Variants in TMEM131 observed in about 807,000 individuals in gnomAD.
TMEM131 encodes 2610524E03Rik.
TMEM131 carries 66 observed loss-of-function variants against 211.6 expected under a neutral mutation model. The observed-to-expected ratio is 0.31, with a 90% CI of 0.26 to 0.38. The LOEUF (loss-of-function observed/expected upper bound fraction) is 0.38, where lower values mean the gene tolerates loss of function less well. TMEM131 is among the 10% of genes least tolerant of loss of function. TMEM131 has a pLI of 1.00. For synonymous variants in TMEM131, 844 were observed against 841.3 expected (o/e 1.00, Z -0.06); for missense variants, 2,036 against 2,299.3 (o/e 0.89, Z 2.34).
chr2:97,883,266 T>A (rs988147740), intron 4 of TMEM131, among the ~76,000 whole-genome samples: 6 of 152,244 alleles, frequency 3.9e-5, no homozygotes. Context: ...TTTGTCTGTT[T>A]CCACTATTTT....
intron 4 of TMEM131, among the ~76,000 whole-genome samples, chr2:97,862,109 G>A (rs927774262): frequency 2.0e-5 from 3 of 152,140 alleles, no homozygotes; most frequent in Admixed American, 2.0e-4. Flanking sequence ...AATGCTTCCT[G>A]ATCTTATCCA....
intron 1 of TMEM131, among the ~76,000 whole-genome samples, chr2:97,964,981 C>G (rs1385618422): frequency 6.6e-6 from 1 of 152,186 alleles, no homozygotes; most frequent in Admixed American, 6.5e-5. Context: ...GAGACACCCA[C>G]TGGGAGCCAT....
At chr2:97,877,575 T>A (rs1025073217) in intron 4 of TMEM131, among the ~76,000 whole-genome samples, 2 of 152,218 alleles carry the variant, frequency 1.3e-5, no homozygotes, top group Middle Eastern at 3.2e-3. Flanking sequence ...ATCTGATGTT[T>A]GACAAACCTG....
chr2:97,973,625 T>C (rs572194570), intron 1 of TMEM131, among the ~76,000 whole-genome samples: 27 of 152,234 alleles, frequency 1.8e-4, no homozygotes, highest in African/African-American at 5.1e-4. Flanking sequence ...ATCAGTGCAT[T>C]TGTGTGAGGT....
chr2:97,913,735 C>T (rs1389774545), intron 2 of TMEM131, among the ~76,000 whole-genome samples: 1 of 152,152 alleles, frequency 6.6e-6, no homozygotes, highest in Admixed American at 6.5e-5. Flanking sequence ...GTTGTGCACA[C>T]GGCATGGATG....
At position 97,762,200 on chromosome 2, in the gene TMEM131, G is replaced by T; in HGVS notation, c.4724C>A (p.Ser1575Tyr). Reference protein sequence around the residue: ...DSVPVHKPGSSTDSLYKLSLQ... With the variant: ...DSVPVHKPGSYTDSLYKLSLQ... ...AGAAAGTTTATAAAGACTATCAGTA[G>T]CTGGAAATTAAAAACAAACGGGCTC... The change falls in exon 36 of 41, where the codon TCT becomes TAT. Residue 1575 changes from serine to tyrosine, a missense_variant and splice_region_variant. Ser to Tyr is a moderately radical substitution (Grantham distance 144). Transcript: ENST00000186436. 6.2e-7 allele frequency: 1 copy of T among 1,613,838 alleles called. No homozygotes were observed. Among genetic ancestry groups the T allele is most frequent in the Non-Finnish European group, 8.5e-7 (1 of 1,179,846 alleles).
At chr2:97,839,998 C>T (rs1253677750) in intron 7 of TMEM131, among the ~76,000 whole-genome samples, 2 of 152,168 alleles carry the variant, frequency 1.3e-5, no homozygotes, top group African/African-American at 2.4e-5. Flanking sequence ...GTATAATCAA[C>T]AAACGATATA....
At chr2:97,904,607 T>C (rs530716969) in intron 3 of TMEM131, among the ~76,000 whole-genome samples, 14 of 152,306 alleles carry the variant, frequency 9.2e-5, no homozygotes, top group African/African-American at 2.6e-4. Flanking sequence ...AATCTGACAA[T>C]TGGTGTTGAA....
intron 4 of TMEM131, among the ~76,000 whole-genome samples, chr2:97,871,948 G>A (rs1198058769): frequency 1.3e-5 from 2 of 150,986 alleles, no homozygotes; most frequent in Admixed American, 6.6e-5. Flanking sequence ...GTCGGGGGGG[G>A]AGTGGAGAAT....
chr2:97,943,083 AAG>A (rs769438079), intron 1 of TMEM131, among the ~76,000 whole-genome samples: 1 of 140,300 alleles, frequency 7.1e-6, no homozygotes, highest in East Asian at 2.1e-4. Context: ...GAAAGAAAGA[AAG>A]AAAGAAAGAA....
At chr2:97,769,693 A>C (rs911116516) in intron 33 of TMEM131, among the ~76,000 whole-genome samples, 11 of 152,264 alleles carry the variant, frequency 7.2e-5, no homozygotes, top group Admixed American at 1.3e-4. Context: ...ATAGAAAAAC[A>C]AAAGGATCAG....
At chr2:97,896,038 T>C (rs1675598026) in intron 3 of TMEM131, among the ~76,000 whole-genome samples, 1 of 152,346 alleles carries the variant, frequency 6.6e-6, no homozygotes, top group South Asian at 2.1e-4. Flanking sequence ...TTGCTTTAAA[T>C]GTGTCCCGGA....
At chr2:97,862,195 A>G (rs1674097062) in intron 4 of TMEM131, among the ~76,000 whole-genome samples, 1 of 152,202 alleles carries the variant, frequency 6.6e-6, no homozygotes, top group Non-Finnish European at 1.5e-5. Context: ...CCTAATGCAG[A>G]TATGGCTTAG....
At chr2:97,918,345 T>A (rs1229550974) in intron 2 of TMEM131, among the ~76,000 whole-genome samples, 2 of 152,144 alleles carry the variant, frequency 1.3e-5, no homozygotes, top group Non-Finnish European at 2.9e-5. Context: ...AAAGACACTC[T>A]TATTATTAAG....
At chr2:97,779,719 A>C (rs963429607) in intron 31 of TMEM131, among the ~76,000 whole-genome samples, 3 of 152,230 alleles carry the variant, frequency 2.0e-5, no homozygotes, top group African/African-American at 7.2e-5. Flanking sequence ...ATGTATGGTC[A>C]ATTTAGGAAT....
chr2:97,780,452 C>T (rs1336281244), intron 31 of TMEM131, among the ~76,000 whole-genome samples: 1 of 151,988 alleles, frequency 6.6e-6, no homozygotes, highest in Non-Finnish European at 1.5e-5. Flanking sequence ...TCTCCCACCC[C>T]ACTCCGTTTT....
chr2:97,796,436 A>T, intron 27 of TMEM131, 32 bp from the exon 28 acceptor site: 1 of 1,361,882 alleles, frequency 7.3e-7, no homozygotes, highest in Non-Finnish European at 9.9e-7. Flanking sequence ...ATAAGACTAA[A>T]TCTTGCCATC....
In TMEM131 at chr2:97,812,534, T is replaced by C. The variant is rs1400123758; in HGVS notation, c.1750A>G (p.Ile584Val). The change falls in exon 17 of 41, where the codon ATC becomes GTC. Residue 584 changes from isoleucine to valine, a missense_variant. Transcript: ENST00000186436. ...PIELAIKSWH[I>V]IGDGLSIELV... ...TCTATTGATAAACCGTCTCCTATGA[T>C]ATGCCAACTTTTTATAGCCAACTTT... 2 of 1,606,232 alleles carry C rather than the reference T, an allele frequency of 1.2e-6. No homozygotes were observed. The highest frequency in any genetic ancestry group is 2.2e-5 in the South Asian group (2 of 88,974).
intron 11 of TMEM131, among the ~76,000 whole-genome samples, chr2:97,830,132 TA>T (rs60531384): frequency 0.013 from 943 of 72,310 alleles, 5 homozygotes; most frequent in East Asian, 0.075. Context: ...CATTATCAGT[TA>T]AAAAAAAAAA....
Sources: gnomAD v4.1 joint callset for allele counts (sites outside exome capture counted in the v4.1 genomes callset) on GRCh38, gnomAD v4.1.1 for gene constraint, MANE v1.5 for transcripts, NCBI Gene and HGNC (gene_info 2026-07-23, HGNC 2026-07-21) for gene names.